The following ABCA6 variants were observed in gnomAD, a reference collection of about 807,000 sequenced individuals.
ABCA6 encodes the protein ATP binding cassette subfamily A member 6.
Under a neutral mutation model 191.2 loss-of-function variants are expected in ABCA6, and 164 were observed. The ratio of observed to expected loss-of-function variants is 0.86; its 90% CI spans 0.76 to 0.98. The LOEUF is 0.98. ABCA6 is among the 50% of genes least tolerant of loss of function. ABCA6 has a pLI of 0.00. For missense variants in ABCA6, 1,958 were observed against 1,894.1 expected, an observed-to-expected ratio of 1.03 and a Z score of -0.63; for synonymous variants, 636 against 647.7, an observed-to-expected ratio of 0.98 and a Z score of 0.27.
intron 11 of ABCA6, among the ~76,000 whole-genome samples, chr17:69,117,060 C>T (rs2073550883): frequency 6.6e-6 from 1 of 152,012 alleles, no homozygotes; most frequent in Admixed American, 6.6e-5. Flanking sequence ...AAAGAAATCA[C>T]AGCTCTAGAT....
At chr17:69,105,414 C>A in intron 20 of ABCA6, 48 bp downstream of exon 20, 16 of 1,472,720 alleles carry the variant, frequency 1.1e-5, no homozygotes, top group Non-Finnish European at 1.3e-5. Flanking sequence ...TGCTATTCAA[C>A]AATAAAAATA....
chr17:69,125,199 A>G (rs2073728109), intron 8 of ABCA6, among the ~76,000 whole-genome samples, 164 bp from the exon 9 acceptor site: 1 of 151,792 alleles, frequency 6.6e-6, no homozygotes. Flanking sequence ...AAATATTTCT[A>G]TTTTACAATG....
At chr17:69,100,143 T>C (rs2073144470) in intron 22 of ABCA6, among the ~76,000 whole-genome samples, 1 of 152,196 alleles carries the variant, frequency 6.6e-6, no homozygotes, top group Non-Finnish European at 1.5e-5. Context: ...AAGCAAGCTA[T>C]TGTTGCTTCT....
In ABCA6 at chr17:69,081,052, G is replaced by T; in HGVS notation, c.4696+14C>A. 1.3e-6 allele frequency: 2 copies of T among 1,486,916 alleles called. No homozygotes were observed. The highest frequency in any genetic ancestry group is 1.8e-6 in the Non-Finnish European group (2 of 1,094,040). 92.1% of individuals were successfully genotyped at this position (1,486,916 alleles called of 1,614,324 possible). A position where few individuals can be genotyped will look rare whatever the true frequency, so the allele number is the denominator to read the frequency against. ...GATTCTTCAAAAGATTTATTTGAAT[G>T]TGGTCACTCTTACCTGCTTCTAATT... On this transcript the variant is annotated intron_variant, in intron 37 of 38. Coordinates refer to ENST00000284425, the MANE Select transcript of ABCA6 (RefSeq NM_080284.3).
intron 2 of ABCA6, among the ~76,000 whole-genome samples, chr17:69,137,857 A>G (rs1233235515): frequency 6.6e-6 from 1 of 152,182 alleles, no homozygotes; most frequent in Non-Finnish European, 1.5e-5. Flanking sequence ...GGTGGCAAAT[A>G]GCAATATTTT....
Position 69,133,805 on chromosome 17 carries a change from T to C in ABCA6, c.627A>G (p.Thr209=). 6.2e-7 allele frequency: 1 copy of C among 1,613,068 alleles called. No homozygotes were observed. Among genetic ancestry groups the C allele is most frequent in the South Asian group, 1.1e-5 (1 of 90,928 alleles). Residue 209 remains threonine, a synonymous_variant, in exon 6 of 39, where the codon ACA becomes ACG. Coordinates refer to ENST00000284425, the MANE Select transcript of ABCA6 (RefSeq NM_080284.3). ...GAAGATTTTTAGTTATGAAAGGTAATGTCTTCATAGTTATAGCAGTAACTG... is the reference window on the plus strand; with the variant it reads ...GAAGATTTTTAGTTATGAAAGGTAACGTCTTCATAGTTATAGCAGTAACTG... ...LMSVTAITMK[T]LPFITKNLLH...
chr17:69,115,700 G>C (rs1381919193), intron 11 of ABCA6: 2 of 357,234 alleles, frequency 5.6e-6, no homozygotes, highest in Non-Finnish European at 1.0e-5. Flanking sequence ...TACTGGTGCA[G>C]GATATAGTGA....
intron 25 of ABCA6, among the ~76,000 whole-genome samples, chr17:69,093,744 A>AC (rs1392065467): frequency 6.6e-6 from 1 of 152,180 alleles, no homozygotes; most frequent in East Asian, 1.9e-4. Flanking sequence ...ATACTAGACA[A>AC]TTTTGAATTT....
At chr17:69,115,513 A>C (rs1264993245) in intron 11 of ABCA6, 27 bp from the exon 12 acceptor site, 1 of 1,556,984 alleles carries the variant, frequency 6.4e-7, no homozygotes, top group Non-Finnish European at 8.8e-7. Flanking sequence ...TTGTTAACAA[A>C]TTATTAACAG....
chr17:69,080,863 T>C (rs2072613369), intron 37 of ABCA6, among the ~76,000 whole-genome samples: 1 of 152,184 alleles, frequency 6.6e-6, no homozygotes, highest in African/African-American at 2.4e-5. Context: ...CTTCGGTCCC[T>C]GCACTGGAGA....
chr17:69,107,732 A>G lies in ABCA6; in HGVS notation c.2353T>C (p.Phe785Leu). The stretch of plus-strand genomic sequence containing the variant: ...GTTGACTGTCCTTCCAGTTTCATAA[A>G]GACTTCATTTAGAGTTGACATGGAA... ...DISMSTLNEVFMKLEGQSTIE... is the reference protein window; with the variant it reads ...DISMSTLNEVLMKLEGQSTIE... The change falls in exon 18 of 39, where the codon TTT becomes CTT. Residue 785 changes from phenylalanine (F) to leucine (L), a missense_variant. Transcript: ENST00000284425. 1 of 1,612,502 alleles carries G rather than the reference A, an allele frequency of 6.2e-7. No homozygotes were observed. Among genetic ancestry groups the G allele is most frequent in the South Asian group, 1.1e-5 (1 of 90,948 alleles).
At chr17:69,079,762 C>T (rs1355210320) in intron 37 of ABCA6, among the ~76,000 whole-genome samples, 1 of 152,178 alleles carries the variant, frequency 6.6e-6, no homozygotes, top group Non-Finnish European at 1.5e-5. Context: ...GTGAGGCACT[C>T]TTAGATGGCA....
intron 10 of ABCA6, 50 bp from the exon 11 acceptor site, chr17:69,118,006 G>C (rs1360270977): frequency 7.4e-7 from 1 of 1,346,446 alleles, no homozygotes; most frequent in East Asian, 2.4e-5. Flanking sequence ...AGTGAAAATA[G>C]CACGGGCCAT....
intron 37 of ABCA6, among the ~76,000 whole-genome samples, chr17:69,079,958 C>T (rs1156818933): frequency 1.3e-5 from 2 of 151,926 alleles, no homozygotes; most frequent in Non-Finnish European, 2.9e-5. Flanking sequence ...TCTTTTTTAC[C>T]GGATGGTCAG....
At chr17:69,136,010 G>A (rs1342520505) in intron 4 of ABCA6, 82 bp downstream of exon 4, 1 of 1,284,642 alleles carries the variant, frequency 7.8e-7, no homozygotes, top group Non-Finnish European at 1.1e-6. Context: ...GTCATTGAAA[G>A]CATCTCTGTT....
chr17:69,096,227 A>G lies in ABCA6; in HGVS notation c.3408+13T>C. 1 of 1,324,278 alleles carries G rather than the reference A, an allele frequency of 7.6e-7. No individual in the cohort carries two copies. The highest frequency in any genetic ancestry group is 1.0e-6 in the Non-Finnish European group (1 of 963,540). The allele number at this position is 1,324,278 out of a possible 1,614,324, so 82.0% of individuals were successfully genotyped here. A position where few individuals can be genotyped will look rare whatever the true frequency, so the allele number is the denominator to read the frequency against. ...TAACACTATTTCTCTATTTGTATGT[A>G]TTATATACTTACAAAAAAGAAGTAA... On this transcript the variant is annotated intron_variant, in intron 25 of 38. Transcript: ENST00000284425.
rs2073551984 is a variant in ABCA6 at position 69,117,120 on chromosome 17, T to C, written c.1495+778A>G. Among the ~76,000 whole-genome samples the C allele has an allele frequency of 5.9e-5, 9 of 152,154 alleles. No individual in the cohort carries two copies. The South Asian group carries it at 1.9e-3, about 32-fold the overall frequency. ...GAGAGAATAAAATTGCTCATACAAA[T>C]ACATTAAATTCTCAAAGACCTAATC... is the stretch of plus-strand genomic sequence containing the variant. On this transcript the variant is annotated intron_variant, in intron 11 of 38. Transcript: ENST00000284425.
At chr17:69,121,276 G>A (rs566686069) in intron 10 of ABCA6, among the ~76,000 whole-genome samples, 57 of 152,206 alleles carry the variant, frequency 3.7e-4, no homozygotes, top group African/African-American at 1.3e-3. Context: ...TGCATATACT[G>A]TTGGATGGTC....
chr17:69,100,861 T>C lies in ABCA6; in HGVS notation c.2948A>G (p.Asn983Ser), dbSNP rs757052869. The part of the protein sequence containing the change: ...CFPILMNIIS[N>S]GLLQMFNHTQ... ...GTGATTAAACATTTGAAGTAGCCCA[T>C]TGCTGATAATATTCATAAGAATTGG... Residue 983 changes from asparagine (N) to serine (S), a missense_variant, in exon 22 of 39, where the codon AAT becomes AGT. Transcript: ENST00000284425. The C allele has an allele frequency of 1.2e-6, 2 of 1,612,414 alleles. No homozygotes were observed. The highest frequency in any genetic ancestry group is 2.2e-5 in the South Asian group (2 of 90,868).
Sources: allele counts gnomAD v4.1 joint callset (sites outside exome capture counted in the v4.1 genomes callset), GRCh38; gene constraint gnomAD v4.1.1; transcripts MANE v1.5; gene names NCBI Gene and HGNC (gene_info 2026-07-23, HGNC 2026-07-21).